Variants in RANBP2 observed in about 807,000 individuals in gnomAD.
RANBP2 encodes the protein E3 SUMO-protein ligase RanBP2.
A neutral mutation model predicts 303.6 loss-of-function variants in RANBP2; 57 were observed. The ratio of observed to expected loss-of-function variants is 0.19; its 90% CI spans 0.15 to 0.23. The LOEUF (loss-of-function observed/expected upper bound fraction) is 0.23, where lower values mean the gene tolerates loss of function less well. Among genes scored for constraint, RANBP2 ranks in the 10% least tolerant of loss-of-function variants. The probability of loss-of-function intolerance (pLI) is 1.00; values close to 1 mark genes in which losing one functional copy is unlikely to be tolerated. For missense variants in RANBP2, 3,138 were observed against 3,780.8 expected (o/e 0.83, Z 4.46); for synonymous variants, 1,167 against 1,301.5 (o/e 0.90, Z 2.23).
At chr2:109,484,530 A>G in the RANBP2 span, among the ~76,000 whole-genome samples, 1 of 152,100 alleles carries the variant, frequency 6.6e-6, no homozygotes, top group Admixed American at 6.5e-5. Context: ...ATATCAGCCC[A>G]GCTCTTGAGG....
At chr2:109,087,379 C>T in the RANBP2 span, among the ~76,000 whole-genome samples, 1 of 152,192 alleles carries the variant, frequency 6.6e-6, no homozygotes, top group African/African-American at 2.4e-5. Flanking sequence ...CCTGGCCCCT[C>T]CTCTCATTCT....
At chr2:109,339,267 G>T in the RANBP2 span, among the ~76,000 whole-genome samples, 1 of 146,380 alleles carries the variant, frequency 6.8e-6, no homozygotes, top group South Asian at 2.3e-4. Context: ...TGGTTCAAGG[G>T]TCAGCTGTTT....
At chr2:109,156,027 A>T in the RANBP2 span, among the ~76,000 whole-genome samples, 1 of 152,126 alleles carries the variant, frequency 6.6e-6, no homozygotes, top group Admixed American at 6.5e-5. Context: ...CACTGGGGTC[A>T]TTTTGCCCCT....
the RANBP2 span, among the ~76,000 whole-genome samples, chr2:108,970,092 C>T: frequency 1.9e-3 from 289 of 152,234 alleles, 2 homozygotes; most frequent in South Asian, 0.023. Flanking sequence ...TGGAAAATGA[C>T]GGATGGGTAG....
the RANBP2 span, among the ~76,000 whole-genome samples, chr2:109,487,085 A>G: frequency 1.3e-5 from 2 of 152,170 alleles, no homozygotes; most frequent in African/African-American, 2.4e-5. Flanking sequence ...GGCAGTCAGG[A>G]AAACGTAACA....
At chr2:109,189,941 T>A in the RANBP2 span, among the ~76,000 whole-genome samples, 2 of 152,200 alleles carry the variant, frequency 1.3e-5, no homozygotes, top group African/African-American at 4.8e-5. Context: ...TGAGGTTGGA[T>A]GCAAACTCTG....
At chr2:109,556,127 G>C in the RANBP2 span, among the ~76,000 whole-genome samples, 1 of 152,286 alleles carries the variant, frequency 6.6e-6, no homozygotes, top group South Asian at 2.1e-4. Flanking sequence ...GATTTAACCA[G>C]CATAACCAGC....
the RANBP2 span, among the ~76,000 whole-genome samples, chr2:109,482,690 G>T: frequency 1.1e-4 from 17 of 152,218 alleles, no homozygotes; most frequent in Admixed American, 1.1e-3. Flanking sequence ...CAAGAACAAG[G>T]ATGCCCTCAG....
the RANBP2 span, among the ~76,000 whole-genome samples, chr2:109,235,928 G>C: frequency 6.6e-6 from 1 of 152,242 alleles, no homozygotes; most frequent in East Asian, 1.9e-4. Context: ...TTAAGAGGCT[G>C]TGGGGTTGGT....
chr2:108,731,396 T>C lies in RANBP2; in HGVS notation c.327T>C (p.Val109=). ...CAGAATTGCTTTGTAAAAATGATGTTACTGATGGAAGAGCAAAATACTGGC... is the reference window on the plus strand; with the variant it reads ...CAGAATTGCTTTGTAAAAATGATGTCACTGATGGAAGAGCAAAATACTGGC... ...KIAELLCKND[V]TDGRAKYWLE... Residue 109 remains valine, a synonymous_variant, in exon 4 of 29, where the codon GTT becomes GTC. Transcript: ENST00000283195. 4 of 1,611,568 alleles carry C rather than the reference T, an allele frequency of 2.5e-6. No individual in the cohort carries two copies. Among genetic ancestry groups the C allele is most frequent in the Non-Finnish European group, 3.4e-6 (4 of 1,179,604 alleles).
At chr2:108,886,863 TC>T in the RANBP2 span, among the ~76,000 whole-genome samples, 3 of 152,252 alleles carry the variant, frequency 2.0e-5, no homozygotes, top group African/African-American at 4.8e-5. Flanking sequence ...ACTCTGTTGA[TC>T]ATTTCCTTTT....
At chr2:109,360,573 A>G in the RANBP2 span, among the ~76,000 whole-genome samples, 1 of 152,248 alleles carries the variant, frequency 6.6e-6, no homozygotes, top group Non-Finnish European at 1.5e-5. Flanking sequence ...ATCTGAAAAC[A>G]TCTGAAGTCC....
chr2:109,263,030 G>C, the RANBP2 span, among the ~76,000 whole-genome samples: 1 of 151,894 alleles, frequency 6.6e-6, no homozygotes, highest in East Asian at 1.9e-4. Flanking sequence ...ATTTTTGGTA[G>C]AGACAGGGTT....
At chr2:109,618,226 T>C in the RANBP2 span, 1 of 166,764 alleles carries the variant, frequency 6.0e-6, no homozygotes, top group Non-Finnish European at 1.5e-5. Context: ...TCTATACATA[T>C]TACTTGTATC....
chr2:108,807,156 T>C, the RANBP2 span, among the ~76,000 whole-genome samples: 1 of 152,206 alleles, frequency 6.6e-6, no homozygotes, highest in Non-Finnish European at 1.5e-5. Context: ...ATAAGCATAC[T>C]TGCGAGTGAT....
chr2:109,296,772 G>C, the RANBP2 span, among the ~76,000 whole-genome samples: 2 of 152,206 alleles, frequency 1.3e-5, no homozygotes, highest in Non-Finnish European at 2.9e-5. Flanking sequence ...TTGCCATGGC[G>C]TGTGGGAATA....
chr2:109,334,342 T>C, the RANBP2 span, among the ~76,000 whole-genome samples: 1 of 33,390 alleles, frequency 3.0e-5, no homozygotes, highest in Non-Finnish European at 1.1e-4. Context: ...TGGGTGACAG[T>C]TTTTTTTTTT....
At chr2:108,870,835 G>C in the RANBP2 span, among the ~76,000 whole-genome samples, 1 of 152,212 alleles carries the variant, frequency 6.6e-6, no homozygotes, top group South Asian at 2.1e-4. Flanking sequence ...GAAAATTAAA[G>C]TTATTGTTTA....
the RANBP2 span, among the ~76,000 whole-genome samples, chr2:109,721,970 G>C: frequency 2.6e-5 from 4 of 152,248 alleles, no homozygotes; most frequent in Non-Finnish European, 5.9e-5. Flanking sequence ...TAGGGATTTA[G>C]GCAACACATT....
Sources: gnomAD v4.1 joint callset for allele counts (sites outside exome capture counted in the v4.1 genomes callset) on GRCh38, gnomAD v4.1.1 for gene constraint, MANE v1.5 for transcripts, NCBI Gene and HGNC (gene_info 2026-07-23, HGNC 2026-07-21) for gene names.